Variants in PAH observed in about 807,000 individuals in gnomAD.
PAH encodes the protein phenylalanine hydroxylase, also known as phenylalanine-4-hydroxylase.
Under a neutral mutation model 62.0 loss-of-function variants are expected in PAH, and 64 were observed. The observed-to-expected ratio is 1.03, with a 90% CI of 0.84 to 1.27. The LOEUF (loss-of-function observed/expected upper bound fraction) is 1.27, where lower values mean the gene tolerates loss of function less well. Among genes scored for constraint, PAH ranks in the 50% most tolerant of loss-of-function variants. PAH has a pLI of 0.00. For synonymous variants in PAH, 195 were observed against 196.2 expected (o/e 0.99, Z 0.05); for missense variants, 579 against 542.8 (o/e 1.07, Z -0.66).
chr12:102,897,465 G>GTATATATATATA (rs376902236), intron 2 of PAH, among the ~76,000 whole-genome samples: 41 of 93,962 alleles, frequency 4.4e-4, no homozygotes, highest in South Asian at 1.9e-3. Context: ...GTGTGTGTGT[G>GTATATATATATA]TATATATATA....
At chr12:102,924,539 A>G (rs1344089514) in intron 1 of PAH, among the ~76,000 whole-genome samples, 1 of 152,186 alleles carries the variant, frequency 6.6e-6, no homozygotes, top group East Asian at 1.9e-4. Flanking sequence ...CCTTTGGGTC[A>G]GACAGCAGAA....
chr12:102,934,956 G>C (rs1486516029), intron 1 of PAH, among the ~76,000 whole-genome samples: 1 of 151,748 alleles, frequency 6.6e-6, no homozygotes, highest in African/African-American at 2.4e-5. Context: ...GTTAAAGTAG[G>C]CATCCTTGTT....
intron 1 of PAH, among the ~76,000 whole-genome samples, chr12:102,935,554 T>C (rs1382949159): frequency 6.6e-6 from 1 of 152,092 alleles, no homozygotes. Context: ...GACTTCATTA[T>C]GGCTTAGGTC....
intron 1 of PAH, 98 bp downstream of exon 1, chr12:102,916,973 C>T: frequency 1.8e-6 from 2 of 1,084,862 alleles, no homozygotes; most frequent in East Asian, 2.4e-5. Context: ...AGACTTCTTA[C>T]TGAGCTTATG....
chr12:102,859,507 C>T (rs1400769440), intron 5 of PAH, among the ~76,000 whole-genome samples: 1 of 152,190 alleles, frequency 6.6e-6, no homozygotes, highest in African/African-American at 2.4e-5. Context: ...CAAAGCCTGG[C>T]AGAGACACAA....
upstream of PAH, among the ~76,000 whole-genome samples, chr12:102,920,288 A>G (rs1878519721): frequency 1.3e-5 from 2 of 152,354 alleles, no homozygotes; most frequent in South Asian, 2.1e-4. Context: ...ATGTGCTGCT[A>G]TAATGAGAGC....
intron 2 of PAH, among the ~76,000 whole-genome samples, chr12:102,896,373 C>A (rs1877502793): frequency 6.6e-6 from 1 of 152,076 alleles, no homozygotes; most frequent in Non-Finnish European, 1.5e-5. Flanking sequence ...TCATTGCAGG[C>A]CATTTTAAGA....
chr12:102,840,325 C>T, intron 12 of PAH, 75 bp downstream of exon 12: 1 of 907,076 alleles, frequency 1.1e-6, no homozygotes, highest in Non-Finnish European at 1.9e-6. Context: ...ATTATTTTTC[C>T]TATGGCGATG....
intron 11 of PAH, among the ~76,000 whole-genome samples, 195 bp from the exon 12 acceptor site, chr12:102,840,710 T>G (rs1467344390): frequency 6.6e-6 from 1 of 152,178 alleles, no homozygotes; most frequent in African/African-American, 2.4e-5. Flanking sequence ...TATGTGTGTA[T>G]GTGTATGTAC....
chr12:102,875,917 T>C (rs1035724940), intron 4 of PAH, among the ~76,000 whole-genome samples: 1 of 134,000 alleles, frequency 7.5e-6, no homozygotes, highest in Non-Finnish European at 1.6e-5. Context: ...TGTGTGCATA[T>C]ATATACACCA....
intron 4 of PAH, 132 bp from the exon 5 acceptor site, chr12:102,866,795 A>G: frequency 1.3e-6 from 1 of 779,792 alleles, no homozygotes; most frequent in Non-Finnish European, 2.3e-6. Flanking sequence ...CCCTAAAACT[A>G]AAGTCTCGGT....
chr12:102,930,138 G>A (rs1479088038), intron 1 of PAH, among the ~76,000 whole-genome samples: 2 of 152,160 alleles, frequency 1.3e-5, no homozygotes, highest in African/African-American at 4.8e-5. Flanking sequence ...AAACTGAGTA[G>A]TTAAGTAACT....
intron 5 of PAH, among the ~76,000 whole-genome samples, chr12:102,857,155 C>T (rs1259930386): frequency 6.6e-6 from 1 of 152,160 alleles, no homozygotes; most frequent in Non-Finnish European, 1.5e-5. Context: ...AGCTGAAAAC[C>T]ATGGCACGAG....
At chr12:102,927,876 A>G (rs1049371864) in intron 1 of PAH, among the ~76,000 whole-genome samples, 1 of 152,148 alleles carries the variant, frequency 6.6e-6, no homozygotes, top group Non-Finnish European at 1.5e-5. Context: ...ATCAGGAGTG[A>G]TATTTTGTTT....
chr12:102,913,530 A>T (rs1426526748), intron 1 of PAH, among the ~76,000 whole-genome samples: 1 of 152,210 alleles, frequency 6.6e-6, no homozygotes, highest in Non-Finnish European at 1.5e-5. Context: ...CTGTCAAAAC[A>T]GTATTCAGAG....
At chr12:102,910,387 T>TGGG (rs377282976) in intron 2 of PAH, among the ~76,000 whole-genome samples, 25 of 149,360 alleles carry the variant, frequency 1.7e-4, no homozygotes, top group Non-Finnish European at 2.5e-4. Context: ...TTTTTTTTTT[T>TGGG]GGGGAGGGAG....
intron 2 of PAH, among the ~76,000 whole-genome samples, chr12:102,912,359 G>T (rs1258086960): frequency 6.6e-6 from 1 of 151,980 alleles, no homozygotes; most frequent in Non-Finnish European, 1.5e-5. Flanking sequence ...ATACATAGAA[G>T]ACAATCAATA....
intron 2 of PAH, among the ~76,000 whole-genome samples, chr12:102,901,424 G>GCACCTAATAATTTTTGTCTT (rs1877756962): frequency 6.6e-6 from 1 of 152,120 alleles, no homozygotes; most frequent in Non-Finnish European, 1.5e-5. Flanking sequence ...ATTTTTGTCT[G>GCACCTAATAATTTTTGTCTT]CACCTAATAA....
chr12:102,852,720 G>A, intron 7 of PAH, 95 bp downstream of exon 7: 1 of 1,485,386 alleles, frequency 6.7e-7, no homozygotes, highest in South Asian at 1.1e-5. Flanking sequence ...CTAGTCCTGT[G>A]GACCAGCCAG....
Sources: allele counts gnomAD v4.1 joint callset (sites outside exome capture counted in the v4.1 genomes callset), GRCh38; gene constraint gnomAD v4.1.1; transcripts MANE v1.5; gene names NCBI Gene and HGNC (gene_info 2026-07-23, HGNC 2026-07-21).